ESRRG: variants seen among roughly 807,000 people sequenced by gnomAD.
The protein encoded by ESRRG is estrogen related receptor gamma, also known as estrogen-related receptor gamma.
ESRRG carries 13 observed loss-of-function variants against 44.0 expected under a neutral mutation model. The ratio of observed to expected loss-of-function variants is 0.30; its 90% CI spans 0.19 to 0.47. The LOEUF (loss-of-function observed/expected upper bound fraction) is 0.47. Ranked by LOEUF, ESRRG falls within the 20% of genes least tolerant of loss-of-function variation. The probability of loss-of-function intolerance (pLI) is 1.00; values close to 1 mark genes in which losing one functional copy is unlikely to be tolerated. For synonymous variants in ESRRG, 215 were observed against 214.6 expected (o/e 1.00, Z -0.02); for missense variants, 395 against 580.6 (o/e 0.68, Z 3.29).
chr1:216,764,389 C>G (rs1339065256), intron 2 of ESRRG, among the ~76,000 whole-genome samples: 1 of 151,870 alleles, frequency 6.6e-6, no homozygotes, highest in African/African-American at 2.4e-5. Context: ...CCTGCCTCAC[C>G]TCCTGAGTAG....
Position 217,121,641 on chromosome 1 carries a change from G to A in ESRRG, c.-230+16026C>T, listed in dbSNP as rs375761890. On this transcript the variant is annotated intron_variant, in intron 1 of 8. Transcript: ENST00000366940. ...AGAAAAAGTCAAAGCACACCACCCT[G>A]TTCTCTGGACATCTGGGAGGGTGGT... Among the ~76,000 whole-genome samples the A allele has an allele frequency of 7.2e-5, 11 of 152,318 alleles. No individual in the cohort carries two copies. The East Asian group carries it at 9.6e-4, about 13-fold the overall frequency.
At chr1:216,981,935 G>A (rs1391771874) in intron 1 of ESRRG, among the ~76,000 whole-genome samples, 1 of 152,192 alleles carries the variant, frequency 6.6e-6, no homozygotes, top group African/African-American at 2.4e-5. Context: ...GCGATTAGCG[G>A]GGCTGTGTCT....
At chr1:216,788,698 G>C (rs2094212552) in intron 2 of ESRRG, among the ~76,000 whole-genome samples, 1 of 152,090 alleles carries the variant, frequency 6.6e-6, no homozygotes, top group Non-Finnish European at 1.5e-5. Flanking sequence ...ATAGACAGTG[G>C]TTCCTCTCAT....
At chr1:216,839,314 G>A (rs570633701) in intron 2 of ESRRG, among the ~76,000 whole-genome samples, 11 of 152,186 alleles carry the variant, frequency 7.2e-5, no homozygotes, top group African/African-American at 2.6e-4. Flanking sequence ...TCTAATTCTA[G>A]TTCTCTTGCT....
intron 6 of ESRRG, among the ~76,000 whole-genome samples, chr1:216,511,089 C>T (rs1165025698): frequency 6.6e-6 from 1 of 152,024 alleles, no homozygotes; most frequent in African/African-American, 2.4e-5. Flanking sequence ...AACCAACAGT[C>T]AGTGTAAACT....
chr1:216,768,450 TTATC>T (rs79038947), intron 2 of ESRRG, among the ~76,000 whole-genome samples: 33,780 of 114,474 alleles, frequency 0.3, 4,029 homozygotes, highest in Non-Finnish European at 0.33. Flanking sequence ...CTATCTATCA[TTATC>T]TATCTATCTA....
In ESRRG at chr1:217,034,081, C is replaced by T. The variant is rs2082469441; in HGVS notation, c.-106+55426G>A. 2.0e-5 allele frequency among the ~76,000 whole-genome samples: 3 copies of T among 152,100 alleles called. No individual in the cohort carries two copies. In the South Asian group the frequency reaches 6.2e-4, roughly 32 times the overall value. ...GAATGTTAGTATCATTCTGAAGAGC[C>T]AGACAAGTTCTTTCATCTAGCTATG... On this transcript the variant is annotated intron_variant, in intron 1 of 7. Coordinates refer to the ESRRG transcript ENST00000359162.
chr1:216,653,126 T>A (rs1272526130), intron 2 of ESRRG, among the ~76,000 whole-genome samples: 4 of 152,192 alleles, frequency 2.6e-5, no homozygotes, highest in Non-Finnish European at 2.9e-5. Context: ...ACCAGGATGA[T>A]CCACTGCCAC....
chr1:216,771,394 C>A (rs1401718982), intron 2 of ESRRG, among the ~76,000 whole-genome samples: 1 of 152,082 alleles, frequency 6.6e-6, no homozygotes, highest in East Asian at 1.9e-4. Flanking sequence ...TTTGCCATAG[C>A]ATGTATGTAC....
At chr1:216,785,710 A>C (rs1198410599) in intron 2 of ESRRG, among the ~76,000 whole-genome samples, 1 of 152,032 alleles carries the variant, frequency 6.6e-6, no homozygotes, top group Non-Finnish European at 1.5e-5. Flanking sequence ...TTTTTTGCTC[A>C]TTTCCAAAAT....
intron 2 of ESRRG, among the ~76,000 whole-genome samples, chr1:216,792,113 G>A (rs900896518): frequency 3.3e-5 from 5 of 152,076 alleles, no homozygotes; most frequent in African/African-American, 1.2e-4. Context: ...CAAATTTAAA[G>A]TGGAATGTTT....
intron 1 of ESRRG, among the ~76,000 whole-genome samples, chr1:217,044,134 T>G (rs990273700): frequency 1.1e-4 from 16 of 152,172 alleles, no homozygotes; most frequent in Non-Finnish European, 2.4e-4. Context: ...GTAGCAGACT[T>G]TGAAATGCAG....
At chr1:216,569,349 A>C (rs1340873539) in intron 3 of ESRRG, among the ~76,000 whole-genome samples, 1 of 152,134 alleles carries the variant, frequency 6.6e-6, no homozygotes, top group East Asian at 1.9e-4. Context: ...AAGGAAGTGA[A>C]TGTTAAAGAG....
intron 3 of ESRRG, among the ~76,000 whole-genome samples, chr1:216,586,634 T>C (rs373789461): frequency 1.8e-4 from 27 of 149,580 alleles, no homozygotes; most frequent in African/African-American, 6.7e-4. Context: ...CCAGGTGCAG[T>C]GGCACCATCT....
At chr1:216,765,494 A>G (rs2093029239) in intron 2 of ESRRG, among the ~76,000 whole-genome samples, 2 of 152,146 alleles carry the variant, frequency 1.3e-5, no homozygotes, top group Admixed American at 1.3e-4. Context: ...AGCTAGCAGG[A>G]AGCCAAATTT....
At chr1:217,012,663 A>T (rs576808781) in intron 1 of ESRRG, among the ~76,000 whole-genome samples, 3 of 152,256 alleles carry the variant, frequency 2.0e-5, no homozygotes, top group Non-Finnish European at 4.4e-5. Flanking sequence ...GCCTCTCCCC[A>T]CTGGCCTCCC....
intron 3 of ESRRG, among the ~76,000 whole-genome samples, chr1:216,632,428 T>G (rs2064390974): frequency 6.6e-6 from 1 of 152,184 alleles, no homozygotes; most frequent in African/African-American, 2.4e-5. Context: ...CTCATTTGAG[T>G]TGAAGTCTGA....
At chr1:216,775,323 A>G (rs149805313) in intron 2 of ESRRG, among the ~76,000 whole-genome samples, 21 of 151,930 alleles carry the variant, frequency 1.4e-4, no homozygotes, top group African/African-American at 5.1e-4. Flanking sequence ...CGTCACTTTA[A>G]TTATCTCCAT....
chr1:217,081,370 G>A (rs1580481382), intron 1 of ESRRG, among the ~76,000 whole-genome samples: 1 of 151,532 alleles, frequency 6.6e-6, no homozygotes, highest in African/African-American at 2.4e-5. Flanking sequence ...TGGGATTACA[G>A]GCATGAGCCA....
Sources: gnomAD v4.1 joint callset for allele counts (sites outside exome capture counted in the v4.1 genomes callset) on GRCh38, gnomAD v4.1.1 for gene constraint, MANE v1.5 for transcripts, NCBI Gene and HGNC (gene_info 2026-07-23, HGNC 2026-07-21) for gene names.